Variants in GLMN observed in about 807,000 individuals in gnomAD.
GLMN encodes the protein glomulin.
GLMN carries 75 observed loss-of-function variants against 87.8 expected under a neutral mutation model. The ratio of observed to expected loss-of-function variants is 0.85; its 90% CI spans 0.71 to 1.04. GLMN has a LOEUF of 1.04. Among genes scored for constraint, GLMN ranks in the 50% least tolerant of loss-of-function variants. The pLI, the probability that GLMN is intolerant of heterozygous loss-of-function variation, is 0.00. For synonymous variants in GLMN, 206 were observed against 221.6 expected, an observed-to-expected ratio of 0.93 and a Z score of 0.63; for missense variants, 588 against 658.8, an observed-to-expected ratio of 0.89 and a Z score of 1.18.
the GLMN span, among the ~76,000 whole-genome samples, chr1:92,321,654 T>C: frequency 6.6e-6 from 1 of 152,100 alleles, no homozygotes; most frequent in Non-Finnish European, 1.5e-5. Context: ...TCAAATCTAA[T>C]CTGAAAATTG....
the GLMN span, among the ~76,000 whole-genome samples, chr1:92,323,292 A>G: frequency 6.6e-6 from 1 of 151,934 alleles, no homozygotes; most frequent in Non-Finnish European, 1.5e-5. Flanking sequence ...TTTATATATC[A>G]GAACCTAGAA....
intron 7 of GLMN, among the ~76,000 whole-genome samples, chr1:92,283,779 A>C (rs1408675490): frequency 6.6e-6 from 1 of 152,218 alleles, no homozygotes; most frequent in Non-Finnish European, 1.5e-5. Flanking sequence ...AAGTCTCAGG[A>C]TACAAAATCA....
intron 7 of GLMN, among the ~76,000 whole-genome samples, chr1:92,284,061 A>C (rs1557556196): frequency 6.6e-6 from 1 of 152,224 alleles, no homozygotes; most frequent in African/African-American, 2.4e-5. Context: ...TAATTTACAG[A>C]TTCAATGCTA....
At chr1:92,313,045 TAGTAG>T in the GLMN span, among the ~76,000 whole-genome samples, 1 of 152,176 alleles carries the variant, frequency 6.6e-6, no homozygotes, top group Admixed American at 6.5e-5. Context: ...TTTGTATTTT[TAGTAG>T]AGATGGGGGT....
chr1:92,297,115 CTT>C (rs1034040272), intron 3 of GLMN, among the ~76,000 whole-genome samples: 2 of 118,292 alleles, frequency 1.7e-5, no homozygotes, highest in Admixed American at 8.5e-5. Context: ...TGTTTCTTTT[CTT>C]TTTTTTTTTT....
intron 1 of GLMN, 32 bp from the exon 2 acceptor site, chr1:92,298,061 G>A (rs1650346650): frequency 2.2e-6 from 2 of 891,166 alleles, no homozygotes; most frequent in Non-Finnish European, 1.9e-6. Flanking sequence ...TTAACTATCC[G>A]TGATATTACA....
intron 18 of GLMN, 35 bp downstream of exon 18, chr1:92,247,027 G>C (rs372027596): frequency 1.8e-6 from 2 of 1,114,876 alleles, no homozygotes; most frequent in Non-Finnish European, 2.7e-6. Context: ...CGTTTCTAAA[G>C]AAGAAAAAGG....
At chr1:92,260,784 AAAG>A (rs1340612184) in intron 16 of GLMN, among the ~76,000 whole-genome samples, 2 of 151,146 alleles carry the variant, frequency 1.3e-5, no homozygotes, top group Admixed American at 6.6e-5. Context: ...AAAAAAAAAA[AAAG>A]GCAGTCCTAT....
upstream of GLMN, chr1:92,300,069 A>T: frequency 1.5e-6 from 1 of 654,848 alleles, no homozygotes; most frequent in Non-Finnish European, 2.7e-6. Context: ...AGGCAACTGT[A>T]TATCTAAACA....
chr1:92,337,236 A>G, the GLMN span, among the ~76,000 whole-genome samples: 2 of 152,170 alleles, frequency 1.3e-5, no homozygotes, highest in Non-Finnish European at 2.9e-5. Flanking sequence ...TGTCAACAAT[A>G]GCAGTCAGAT....
chr1:92,305,259 C>T, the GLMN span, among the ~76,000 whole-genome samples: 1 of 151,626 alleles, frequency 6.6e-6, no homozygotes, highest in Non-Finnish European at 1.5e-5. Flanking sequence ...AGTGAAATCC[C>T]ATCTCTACTA....
intron 1 of GLMN, among the ~76,000 whole-genome samples, chr1:92,298,724 C>T (rs987181001): frequency 1.3e-5 from 2 of 152,162 alleles, no homozygotes; most frequent in Non-Finnish European, 2.9e-5. Context: ...GTCCTCAGGG[C>T]AGCGCGCTGG....
the GLMN span, among the ~76,000 whole-genome samples, chr1:92,317,274 C>T: frequency 6.6e-6 from 1 of 151,930 alleles, no homozygotes; most frequent in Admixed American, 6.6e-5. Context: ...TTTGGGAGGC[C>T]GAGGCGGGTG....
At chr1:92,300,274 T>G, upstream of GLMN, 1 of 1,518,982 alleles carries the variant, frequency 6.6e-7, no homozygotes, top group Non-Finnish European at 9.1e-7. Flanking sequence ...CATTGGCATA[T>G]CTACTTATCT....
the GLMN span, among the ~76,000 whole-genome samples, chr1:92,354,476 T>C: frequency 1.3e-5 from 2 of 152,194 alleles, no homozygotes; most frequent in African/African-American, 2.4e-5. Context: ...CCCAGCCCTT[T>C]AAACAAACCT....
chr1:92,250,365 TTTTC>T (rs1273503980), intron 16 of GLMN, among the ~76,000 whole-genome samples: 10 of 152,314 alleles, frequency 6.6e-5, no homozygotes, highest in South Asian at 2.1e-4. Flanking sequence ...TCAGCTTCCT[TTTTC>T]TTTGTCAATC....
chr1:92,300,293 T>G (rs894030728), upstream of GLMN: 1 of 1,317,208 alleles, frequency 7.6e-7, no homozygotes, highest in Non-Finnish European at 1.1e-6. Context: ...CTTGTATTAC[T>G]TGTACCAATT....
upstream of GLMN, among the ~76,000 whole-genome samples, chr1:92,302,590 A>ATTTTTTTTTTTTTTTT (rs36067595): frequency 2.7e-5 from 2 of 74,316 alleles, no homozygotes; most frequent in Non-Finnish European, 4.6e-5. Flanking sequence ...TCCGCATTAA[A>ATTTTTTTTTTTTTTTT]TTTTTTTTTT....
At chr1:92,345,229 A>G in the GLMN span, among the ~76,000 whole-genome samples, 3 of 152,018 alleles carry the variant, frequency 2.0e-5, no homozygotes, top group South Asian at 6.3e-4. Flanking sequence ...AGCCAGACAC[A>G]GCAGCATGTA....
Sources: gnomAD v4.1 joint callset for allele counts (sites outside exome capture counted in the v4.1 genomes callset) on GRCh38, gnomAD v4.1.1 for gene constraint, MANE v1.5 for transcripts, NCBI Gene and HGNC (gene_info 2026-07-23, HGNC 2026-07-21) for gene names.